SLC7A2: variants seen among roughly 807,000 people sequenced by gnomAD.
SLC7A2 encodes cationic amino acid transporter 2.
Under a neutral mutation model 58.9 loss-of-function variants are expected in SLC7A2, and 48 were observed. That is an observed-to-expected ratio of 0.82 (90% CI 0.65 to 1.04). SLC7A2 has a LOEUF of 1.04. Ranked by LOEUF, SLC7A2 falls within the 50% of genes least tolerant of loss-of-function variation. The probability of loss-of-function intolerance (pLI) is 0.00; values close to 1 mark genes in which losing one functional copy is unlikely to be tolerated. For synonymous variants in SLC7A2, 363 were observed against 314.5 expected (o/e 1.15, Z -1.63); for missense variants, 1,029 against 818.8 (o/e 1.26, Z -3.13).
chr8:17,543,818 G>A lies in SLC7A2; in HGVS notation c.376+103G>A, dbSNP rs775340592. Reference sequence around the variant, plus strand: ...GTAGGTGTTGGGTACATCACTTGATGTCTGTGTGTCTCATTTTTGTCATCT... The same window carrying A: ...GTAGGTGTTGGGTACATCACTTGATATCTGTGTGTCTCATTTTTGTCATCT... On this transcript the variant is annotated intron_variant, in intron 3 of 12. Transcript: ENST00000494857. 1,109 of 1,001,760 alleles carry A rather than the reference G, an allele frequency of 1.1e-3. 2 individuals carry two copies. Among genetic ancestry groups the A allele is most frequent in the Non-Finnish European group, 1.5e-3 (1,024 of 704,224 alleles). The allele number at this position is 1,001,760 out of a possible 1,614,324, so 62.1% of individuals were successfully genotyped here. A position where few individuals can be genotyped will look rare whatever the true frequency, so the allele number is the denominator to read the frequency against.
chr8:17,502,571 G>T (rs1044255448), intron 2 of SLC7A2, among the ~76,000 whole-genome samples: 5 of 152,148 alleles, frequency 3.3e-5, no homozygotes, highest in African/African-American at 1.2e-4. Context: ...ACGGAGTTGA[G>T]TATCACTGAT....
At chr8:17,517,609 A>T (rs1043464563) in intron 2 of SLC7A2, among the ~76,000 whole-genome samples, 1 of 151,960 alleles carries the variant, frequency 6.6e-6, no homozygotes, top group African/African-American at 2.4e-5. Context: ...CCTGATGCTT[A>T]TCTAGTATCT....
chr8:17,540,989 T>C (rs540468409), intron 2 of SLC7A2, among the ~76,000 whole-genome samples: 52 of 152,290 alleles, frequency 3.4e-4, no homozygotes, highest in Admixed American at 1.2e-3. Context: ...TTTGGTTAAA[T>C]GACAAATGGG....
chr8:17,513,555 T>C (rs559633476), intron 2 of SLC7A2, among the ~76,000 whole-genome samples: 6 of 152,346 alleles, frequency 3.9e-5, no homozygotes, highest in African/African-American at 1.2e-4. Context: ...CAGTAAAGCT[T>C]ATCACAGGAT....
At chr8:17,554,128 C>G (rs569355375) in intron 7 of SLC7A2, among the ~76,000 whole-genome samples, 1 of 152,154 alleles carries the variant, frequency 6.6e-6, no homozygotes, top group Non-Finnish European at 1.5e-5. Context: ...AAGGTTGCAA[C>G]TATTGCTTAT....
intron 2 of SLC7A2, among the ~76,000 whole-genome samples, chr8:17,540,149 C>T (rs1420469445): frequency 6.6e-6 from 1 of 152,114 alleles, no homozygotes; most frequent in Non-Finnish European, 1.5e-5. Context: ...TGCTAGGACT[C>T]AATAAATGTT....
intron 1 of SLC7A2, among the ~76,000 whole-genome samples, chr8:17,498,060 G>A (rs1800021601): frequency 6.6e-6 from 1 of 152,128 alleles, no homozygotes; most frequent in Non-Finnish European, 1.5e-5. Flanking sequence ...AATCATATGT[G>A]GCTTTTGAAG....
Position 17,561,995 on chromosome 8 carries a change from T to C in SLC7A2, c.1556T>C (p.Ile519Thr), listed in dbSNP as rs200873872. Residue 519 changes from isoleucine to threonine, a missense_variant, in exon 11 of 13, where the codon ATC becomes ACC. Physicochemically the swap from Ile to Thr is moderately conservative, Grantham distance 89. Coordinates refer to ENST00000494857, the MANE Select transcript of SLC7A2 (RefSeq NM_001370338.1). ...SVLTTYGVHA[I>T]TRLEAWSLAL... ...TTGACCACTTACGGAGTTCATGCCA[T>C]CACCAGGCTGGAGGCCTGGAGCCTC... is the stretch of plus-strand genomic sequence containing the variant. 2 of 1,614,078 alleles carry C rather than the reference T, an allele frequency of 1.2e-6. No individual in the cohort carries two copies. The highest frequency in any genetic ancestry group is 1.7e-6 in the Non-Finnish European group (2 of 1,179,960).
At chr8:17,519,081 A>G (rs183054752) in intron 2 of SLC7A2, among the ~76,000 whole-genome samples, 6 of 152,312 alleles carry the variant, frequency 3.9e-5, no homozygotes, top group Middle Eastern at 6.8e-3. Flanking sequence ...CCTACCTCCA[A>G]ATACTATCAC....
At chr8:17,522,263 G>C (rs1012218434) in intron 2 of SLC7A2, among the ~76,000 whole-genome samples, 2 of 152,024 alleles carry the variant, frequency 1.3e-5, no homozygotes, top group African/African-American at 4.8e-5. Context: ...ATCAAATCTC[G>C]TGAGACTTAT....
chr8:17,538,918 C>G, intron 2 of SLC7A2: 1 of 1,612,830 alleles, frequency 6.2e-7, no homozygotes, highest in Non-Finnish European at 8.5e-7. Context: ...CAGCAAGTTT[C>G]TCCTGTAAGA....
chr8:17,536,161 G>C (rs1202898822), intron 2 of SLC7A2, among the ~76,000 whole-genome samples: 1 of 151,916 alleles, frequency 6.6e-6, no homozygotes, highest in Non-Finnish European at 1.5e-5. Flanking sequence ...TAGAGCCCTT[G>C]GTATTCCTGG....
rs553302841 is a variant in SLC7A2 at position 17,498,513 on chromosome 8, A to C, written c.-69+1276A>C. On this transcript the variant is annotated intron_variant, in intron 1 of 12. Coordinates refer to ENST00000494857, the MANE Select transcript of SLC7A2 (RefSeq NM_001370338.1). The stretch of plus-strand genomic sequence containing the variant: ...TATTTTAATTGCACTGAAGCGTGAC[A>C]TGAAATGATCTCTCAGTGCAGAACA... 32 of 152,336 alleles carry C rather than the reference A, an allele frequency of 2.1e-4. No individual in the cohort carries two copies. The South Asian group carries it at 6.6e-3, about 32-fold the overall frequency. 9.4% of individuals were successfully genotyped at this position (152,336 alleles called of 1,614,324 possible). A position where few individuals can be genotyped will look rare whatever the true frequency, so the allele number is the denominator to read the frequency against.
chr8:17,545,347 G>A (rs567754154), intron 4 of SLC7A2, among the ~76,000 whole-genome samples: 15 of 151,458 alleles, frequency 9.9e-5, no homozygotes, highest in Non-Finnish European at 1.6e-4. Context: ...TATTTCATAG[G>A]CATAGCTAAT....
At chr8:17,527,708 C>T (rs550872518) in intron 2 of SLC7A2, among the ~76,000 whole-genome samples, 1 of 152,134 alleles carries the variant, frequency 6.6e-6, no homozygotes, top group Non-Finnish European at 1.5e-5. Context: ...ACATGGCATT[C>T]TTCGTGTGTC....
At chr8:17,549,774 C>G (rs1802358674) in intron 5 of SLC7A2, among the ~76,000 whole-genome samples, 1 of 152,118 alleles carries the variant, frequency 6.6e-6, no homozygotes, top group Admixed American at 6.6e-5. Flanking sequence ...AAATTGGTAT[C>G]CTATAAACTT....
intron 2 of SLC7A2, among the ~76,000 whole-genome samples, chr8:17,519,408 A>G (rs1199613218): frequency 6.6e-6 from 1 of 152,202 alleles, no homozygotes; most frequent in Non-Finnish European, 1.5e-5. Flanking sequence ...TTCTGAAATT[A>G]TAAATTGATG....
At chr8:17,542,071 A>C (rs1253151687) in intron 2 of SLC7A2, among the ~76,000 whole-genome samples, 1 of 152,212 alleles carries the variant, frequency 6.6e-6, no homozygotes, top group Non-Finnish European at 1.5e-5. Flanking sequence ...TGTGTATTTT[A>C]GTACAAATTC....
At chr8:17,503,357 T>A (rs1800243691) in intron 2 of SLC7A2, among the ~76,000 whole-genome samples, 1 of 152,182 alleles carries the variant, frequency 6.6e-6, no homozygotes, top group Non-Finnish European at 1.5e-5. Context: ...GCTGAAAACA[T>A]CTTTATTGAA....
Sources: gnomAD v4.1 joint callset for allele counts (sites outside exome capture counted in the v4.1 genomes callset) on GRCh38, gnomAD v4.1.1 for gene constraint, MANE v1.5 for transcripts, NCBI Gene and HGNC (gene_info 2026-07-23, HGNC 2026-07-21) for gene names.